MACROD2: variants seen among roughly 807,000 people sequenced by gnomAD.
MACROD2 encodes the protein ADP-ribose glycohydrolase MACROD2.
Under a neutral mutation model 70.4 loss-of-function variants are expected in MACROD2, and 36 were observed. That is an observed-to-expected ratio of 0.51 (90% CI 0.39 to 0.68). MACROD2 has a LOEUF of 0.68. Ranked by LOEUF, MACROD2 falls within the 30% of genes least tolerant of loss-of-function variation. The pLI, the probability that MACROD2 is intolerant of heterozygous loss-of-function variation, is 0.00. For synonymous variants in MACROD2, 172 were observed against 178.8 expected (o/e 0.96, Z 0.30); for missense variants, 496 against 538.4 (o/e 0.92, Z 0.78).
chr20:14,841,016 G>A (rs775135378), intron 5 of MACROD2, among the ~76,000 whole-genome samples: 4 of 151,984 alleles, frequency 2.6e-5, no homozygotes, highest in South Asian at 2.1e-4. Flanking sequence ...TAAATTTCAG[G>A]TCAAAACTAA....
At chr20:14,408,662 C>T (rs2083716605) in intron 3 of MACROD2, among the ~76,000 whole-genome samples, 1 of 152,082 alleles carries the variant, frequency 6.6e-6, no homozygotes, top group Non-Finnish European at 1.5e-5. Context: ...GGGTAGCGCC[C>T]ACTAAGCATT....
chr20:14,908,276 G>A (rs1042861262), intron 5 of MACROD2, among the ~76,000 whole-genome samples: 4 of 152,086 alleles, frequency 2.6e-5, no homozygotes, highest in African/African-American at 7.2e-5. Context: ...AGGAGGCAGC[G>A]GTTGCAGTGA....
At chr20:16,004,015 G>T (rs1273183298) in intron 15 of MACROD2, among the ~76,000 whole-genome samples, 5 of 152,196 alleles carry the variant, frequency 3.3e-5, no homozygotes, top group Non-Finnish European at 1.5e-5. Context: ...TGGTACTGCT[G>T]GTCCAGGGAC....
At chr20:15,846,948 T>C (rs1403362232) in intron 8 of MACROD2, among the ~76,000 whole-genome samples, 1 of 83,110 alleles carries the variant, frequency 1.2e-5, no homozygotes, top group Non-Finnish European at 2.7e-5. Context: ...TATATATATA[T>C]ATATGGCTTC....
At chr20:14,014,624 C>G (rs1048092973) in intron 2 of MACROD2, among the ~76,000 whole-genome samples, 1 of 149,718 alleles carries the variant, frequency 6.7e-6, no homozygotes, top group African/African-American at 2.4e-5. Flanking sequence ...GTTTTTGCTT[C>G]TCCAGAGTTA....
chr20:14,762,590 CT>C (rs2072030699), intron 5 of MACROD2, among the ~76,000 whole-genome samples: 1 of 152,084 alleles, frequency 6.6e-6, no homozygotes, highest in Non-Finnish European at 1.5e-5. Flanking sequence ...GCAAAAGTTC[CT>C]GGTAATGCTT....
intron 16 of MACROD2, among the ~76,000 whole-genome samples, chr20:16,043,117 G>C (rs2067329897): frequency 6.6e-6 from 1 of 152,072 alleles, no homozygotes; most frequent in Non-Finnish European, 1.5e-5. Flanking sequence ...AAGGCGGGCA[G>C]GGGATGGGAA....
intron 3 of MACROD2, among the ~76,000 whole-genome samples, chr20:14,194,471 C>T (rs6079347): frequency 0.99 from 151,288 of 152,254 alleles, 75,172 homozygotes; most frequent in East Asian, 1. Context: ...GATAATTGCT[C>T]TCACCAGCTG....
At chr20:14,717,881 G>A (rs113010481) in intron 5 of MACROD2, among the ~76,000 whole-genome samples, 3 of 152,216 alleles carry the variant, frequency 2.0e-5, no homozygotes, top group East Asian at 1.9e-4. Context: ...GAGGAAGGAG[G>A]CAGATAGATA....
chr20:15,241,320 T>C (rs2077057711), intron 6 of MACROD2, among the ~76,000 whole-genome samples: 1 of 152,224 alleles, frequency 6.6e-6, no homozygotes, highest in South Asian at 2.1e-4. Flanking sequence ...GCTTACATTC[T>C]ACTGATAGCA....
At chr20:16,046,549 CT>C (rs1378886261) in intron 17 of MACROD2, among the ~76,000 whole-genome samples, 1 of 151,810 alleles carries the variant, frequency 6.6e-6, no homozygotes, top group Non-Finnish European at 1.5e-5. Context: ...TATTTCTTTC[CT>C]GTGTGACCAG....
intron 5 of MACROD2, among the ~76,000 whole-genome samples, chr20:15,156,484 A>G (rs1373049958): frequency 6.6e-6 from 1 of 152,126 alleles, no homozygotes; most frequent in Non-Finnish European, 1.5e-5. Context: ...ATTTACTTAT[A>G]ATAGGTATCA....
chr20:14,055,251 A>T (rs984379637), intron 2 of MACROD2, among the ~76,000 whole-genome samples: 3 of 152,126 alleles, frequency 2.0e-5, no homozygotes, highest in Admixed American at 1.3e-4. Flanking sequence ...AATGGATTAA[A>T]CACATTGGCG....
intron 5 of MACROD2, among the ~76,000 whole-genome samples, chr20:14,992,330 T>C (rs1400198029): frequency 6.6e-6 from 1 of 152,212 alleles, no homozygotes; most frequent in Non-Finnish European, 1.5e-5. Flanking sequence ...ATGTAGGTGT[T>C]GTAACACATC....
intron 8 of MACROD2, among the ~76,000 whole-genome samples, chr20:15,619,080 C>G (rs2049087194): frequency 6.6e-6 from 1 of 152,096 alleles, no homozygotes; most frequent in South Asian, 2.1e-4. Context: ...GTGGTGCCAG[C>G]TGATCCATCA....
intron 9 of MACROD2, among the ~76,000 whole-genome samples, chr20:15,869,236 T>TACAG (rs1423223643): frequency 3.0e-5 from 1 of 33,448 alleles, no homozygotes; most frequent in Non-Finnish European, 7.7e-5. Flanking sequence ...TATATATATA[T>TACAG]ATAGAGAGAG....
intron 5 of MACROD2, among the ~76,000 whole-genome samples, chr20:14,828,179 T>C (rs376439328): frequency 2.6e-5 from 4 of 152,156 alleles, no homozygotes; most frequent in East Asian, 3.8e-4. Flanking sequence ...GCTTTATATA[T>C]ATTGTTTTGC....
chr20:15,317,242 T>C (rs942874807), intron 6 of MACROD2, among the ~76,000 whole-genome samples: 10 of 151,978 alleles, frequency 6.6e-5, no homozygotes, highest in African/African-American at 2.2e-4. Context: ...TAGAAAAACA[T>C]CAGAGTAAAC....
At chr20:15,220,000 T>A (rs1473859945) in intron 5 of MACROD2, among the ~76,000 whole-genome samples, 1 of 151,846 alleles carries the variant, frequency 6.6e-6, no homozygotes. Context: ...ACATTTTTTT[T>A]TTTTTTCTGT....
Sources: allele counts gnomAD v4.1 joint callset (sites outside exome capture counted in the v4.1 genomes callset), GRCh38; gene constraint gnomAD v4.1.1; transcripts MANE v1.5; gene names NCBI Gene and HGNC (gene_info 2026-07-23, HGNC 2026-07-21).